Variants in TMTC4 observed in about 807,000 individuals in gnomAD.
TMTC4 encodes protein O-mannosyl-transferase TMTC4.
TMTC4 carries 65 observed loss-of-function variants against 86.0 expected under a neutral mutation model. That is an observed-to-expected ratio of 0.76 (90% CI 0.62 to 0.93). The LOEUF (loss-of-function observed/expected upper bound fraction) is 0.93, where lower values mean the gene tolerates loss of function less well. Ranked by LOEUF, TMTC4 falls within the 40% of genes least tolerant of loss-of-function variation. TMTC4 has a pLI of 0.00. For synonymous variants in TMTC4, 379 were observed against 382.5 expected (o/e 0.99, Z 0.11); for missense variants, 866 against 948.1 (o/e 0.91, Z 1.14).
At chr13:100,650,774 G>C (rs1192445006) in intron 6 of TMTC4, among the ~76,000 whole-genome samples, 1 of 152,258 alleles carries the variant, frequency 6.6e-6, no homozygotes, top group Non-Finnish European at 1.5e-5. Flanking sequence ...TCAGAATGCA[G>C]TCAGCAATGG....
At chr13:100,668,019 C>T (rs139665412) in intron 3 of TMTC4, among the ~76,000 whole-genome samples, 55 of 152,274 alleles carry the variant, frequency 3.6e-4, no homozygotes, top group Admixed American at 1.4e-3. Context: ...TCAGCAACAC[C>T]GAATCTCCAA....
chr13:100,615,628 C>T (rs540545895), intron 15 of TMTC4, among the ~76,000 whole-genome samples: 73 of 151,844 alleles, frequency 4.8e-4, no homozygotes, highest in Non-Finnish European at 9.3e-4. Flanking sequence ...GATTTTTGTA[C>T]TTTCAGTAGA....
At chr13:100,618,263 G>A (rs548737558) in intron 15 of TMTC4, among the ~76,000 whole-genome samples, 4 of 152,092 alleles carry the variant, frequency 2.6e-5, no homozygotes, top group East Asian at 1.9e-4. Context: ...TCTAGGTGTC[G>A]AATCACACCG....
chr13:100,628,271 C>A (rs1455490746), intron 12 of TMTC4, among the ~76,000 whole-genome samples: 3 of 152,212 alleles, frequency 2.0e-5, no homozygotes, highest in Admixed American at 2.0e-4. Flanking sequence ...TCCCACGTGC[C>A]TCATGTAAGT....
chr13:100,632,560 T>C (rs183453949), intron 12 of TMTC4, among the ~76,000 whole-genome samples: 1 of 152,308 alleles, frequency 6.6e-6, no homozygotes, highest in East Asian at 1.9e-4. Flanking sequence ...ATAAAATAAA[T>C]TGATAAGTCA....
At position 100,634,786 on chromosome 13, in the gene TMTC4, A is replaced by C. The variant is rs1483317093; in HGVS notation, c.1506+19T>G. 1 of 1,609,016 alleles carries C rather than the reference A, an allele frequency of 6.2e-7. No homozygotes were observed. Among genetic ancestry groups the C allele is most frequent in the South Asian group, 1.1e-5 (1 of 90,148 alleles). On this transcript the variant is annotated intron_variant, in intron 12 of 18. Coordinates refer to ENST00000342624, the MANE Select transcript of TMTC4 (RefSeq NM_032813.5). ...TACCCTAGTAAGGTCCCTTTAAAAG[A>C]AATCTGGCAGCTAGGTACCTTAGCA...
At chr13:100,657,391 G>A (rs1885243583) in intron 5 of TMTC4, among the ~76,000 whole-genome samples, 3 of 152,240 alleles carry the variant, frequency 2.0e-5, no homozygotes, top group Admixed American at 6.5e-5. Flanking sequence ...GATGAGAACA[G>A]AATACAATTT....
At chr13:100,674,060 A>G in intron 1 of TMTC4, 1 of 985,072 alleles carries the variant, frequency 1.0e-6, no homozygotes, top group Non-Finnish European at 1.2e-6. Flanking sequence ...CACAACATCA[A>G]CAAGACCAGA....
intron 5 of TMTC4, among the ~76,000 whole-genome samples, chr13:100,662,167 C>A (rs1370674920): frequency 1.3e-5 from 2 of 149,320 alleles, no homozygotes; most frequent in African/African-American, 4.9e-5. Context: ...GTGCCCGTAC[C>A]CTGCTGGGGA....
In TMTC4 at chr13:100,663,036, C is replaced by T. The variant is rs1476712843; in HGVS notation, c.480G>A (p.Arg160=). 4 of 1,614,204 alleles carry T rather than the reference C, an allele frequency of 2.5e-6. No individual in the cohort carries two copies. The highest frequency in any genetic ancestry group is 3.3e-5 in the Admixed American group (2 of 60,026). Residue 160 remains arginine, a synonymous_variant, in exon 5 of 19, where the codon AGG becomes AGA. Coordinates refer to ENST00000342624, the MANE Select transcript of TMTC4 (RefSeq NM_032813.5). ...GGGACGCCCTGGGGGCGAGGTGCAG[C>T]CTCCGGCCTTTACTGGTGTACTGCA... ...GGLQYTSKGR[R]LHLAPRASLL...
chr13:100,672,149 C>T (rs1265283796), intron 1 of TMTC4, among the ~76,000 whole-genome samples: 2 of 152,146 alleles, frequency 1.3e-5, no homozygotes, highest in South Asian at 2.1e-4. Context: ...AGAAATTAGC[C>T]GCTGCTTCCC....
chr13:100,658,586 A>G (rs1177017969), intron 5 of TMTC4, among the ~76,000 whole-genome samples: 3 of 151,718 alleles, frequency 2.0e-5, no homozygotes, highest in Non-Finnish European at 2.9e-5. Flanking sequence ...AATGAGGGGG[A>G]AGGAAGTGGT....
intron 1 of TMTC4, among the ~76,000 whole-genome samples, chr13:100,672,581 A>T (rs1887257407): frequency 6.6e-6 from 1 of 152,062 alleles, no homozygotes; most frequent in African/African-American, 2.4e-5. Flanking sequence ...GCTTCACCTT[A>T]CTGGGCTCAA....
Position 100,626,093 on chromosome 13 carries a change from T to C in TMTC4, c.1564A>G (p.Arg522Gly), listed in dbSNP as rs756123545. Residue 522 changes from arginine to glycine, a missense_variant, in exon 13 of 19, where the codon AGA (arginine) becomes GGA (glycine). Arg to Gly is a moderately radical substitution (Grantham distance 125). Transcript: ENST00000342624. Reference sequence around the variant, plus strand: ...TACCTTACAGCTTCCCGGTAGTATCTGATGGCAGCTGTCTGGTTGCCTTTA... The same window carrying C: ...TACCTTACAGCTTCCCGGTAGTATCCGATGGCAGCTGTCTGGTTGCCTTTA... ...ADKGNQTAAIRYYREAVRLNP... is the reference protein window; with the variant it reads ...ADKGNQTAAIGYYREAVRLNP... 3.1e-6 allele frequency: 5 copies of C among 1,614,246 alleles called. No homozygotes were observed. Among genetic ancestry groups the C allele is most frequent in the Non-Finnish European group, 4.2e-6 (5 of 1,180,042 alleles).
chr13:100,614,497 TAAA>T (rs370662314), intron 15 of TMTC4, 67 bp from the exon 16 acceptor site: 181 of 767,744 alleles, frequency 2.4e-4, no homozygotes, highest in Middle Eastern at 5.6e-4. Flanking sequence ...AAGACATTAT[TAAA>T]AAAAAAAAAA....
intron 5 of TMTC4, among the ~76,000 whole-genome samples, chr13:100,661,916 C>T (rs746864630): frequency 6.6e-6 from 1 of 152,128 alleles, no homozygotes; most frequent in Non-Finnish European, 1.5e-5. Flanking sequence ...TTAGGCACTT[C>T]GTGCTCACAG....
At chr13:100,674,333 G>T in intron 1 of TMTC4, 1 of 978,662 alleles carries the variant, frequency 1.0e-6, no homozygotes. Flanking sequence ...GCCAGCTGGC[G>T]GCCAGGCGCG....
chr13:100,628,827 C>A (rs796342152), intron 12 of TMTC4, among the ~76,000 whole-genome samples: 1 of 152,262 alleles, frequency 6.6e-6, no homozygotes, highest in South Asian at 2.1e-4. Context: ...GGCAGCCAGA[C>A]TACACAAGCT....
Position 100,673,976 on chromosome 13 carries a change from A to T in TMTC4, c.-208+768T>A, listed in dbSNP as rs556189795. On this transcript the variant is annotated intron_variant, in intron 1 of 18. Transcript: ENST00000342624. The stretch of plus-strand genomic sequence containing the variant: ...AAGTGTGGGATGACTCATAGTGGCT[A>T]GATCGTTCCTCTAACTCCTCCCTTC... 4 of 959,572 alleles carry T rather than the reference A, an allele frequency of 4.2e-6. No homozygotes were observed. In the Admixed American group the frequency reaches 1.8e-4, roughly 44 times the overall value. 59.4% of individuals were successfully genotyped at this position (959,572 alleles called of 1,614,324 possible). A position where few individuals can be genotyped will look rare whatever the true frequency, so the allele number is the denominator to read the frequency against.
Sources: allele counts gnomAD v4.1 joint callset (sites outside exome capture counted in the v4.1 genomes callset), GRCh38; gene constraint gnomAD v4.1.1; transcripts MANE v1.5; gene names NCBI Gene and HGNC (gene_info 2026-07-23, HGNC 2026-07-21).